Variants in SNTB2 observed in about 807,000 individuals in gnomAD.
SNTB2 encodes the protein beta-2-syntrophin.
In SNTB2, 34 loss-of-function variants were observed where a neutral mutation model predicts 46.2. That is an observed-to-expected ratio of 0.74 (90% CI 0.56 to 0.98). The LOEUF (loss-of-function observed/expected upper bound fraction) is 0.98. SNTB2 is among the 50% of genes least tolerant of loss of function. The probability of loss-of-function intolerance (pLI) is 0.00; values close to 1 mark genes in which losing one functional copy is unlikely to be tolerated. For missense variants in SNTB2, 603 were observed against 731.4 expected, an observed-to-expected ratio of 0.82 and a Z score of 2.02; for synonymous variants, 290 against 312.6, an observed-to-expected ratio of 0.93 and a Z score of 0.76.
intron 1 of SNTB2, among the ~76,000 whole-genome samples, chr16:69,204,567 T>C (rs1163202890): frequency 6.6e-6 from 1 of 152,234 alleles, no homozygotes; most frequent in African/African-American, 2.4e-5. Context: ...AGATGATTCA[T>C]TAATTTTGCT....
intron 1 of SNTB2, among the ~76,000 whole-genome samples, chr16:69,236,791 G>A (rs1263610916): frequency 6.6e-6 from 1 of 152,116 alleles, no homozygotes; most frequent in African/African-American, 2.4e-5. Context: ...AATTTCAGAT[G>A]TGATTTGGCA....
chr16:69,297,804 C>T (rs533065201), intron 5 of SNTB2, among the ~76,000 whole-genome samples: 1 of 152,058 alleles, frequency 6.6e-6, no homozygotes, highest in Non-Finnish European at 1.5e-5. Context: ...ATCCCAGCTA[C>T]TCAGCAGGCT....
intron 1 of SNTB2, among the ~76,000 whole-genome samples, chr16:69,230,152 TCCAAA>T (rs1964493926): frequency 6.6e-6 from 1 of 152,082 alleles, no homozygotes; most frequent in African/African-American, 2.4e-5. Context: ...TTATAGAAAG[TCCAAA>T]CATTATAGAA....
intron 1 of SNTB2, among the ~76,000 whole-genome samples, chr16:69,207,154 C>CTT (rs1555497921): frequency 4.7e-5 from 6 of 126,460 alleles, no homozygotes; most frequent in Admixed American, 8.3e-5. Flanking sequence ...TTCTTTCTTT[C>CTT]TTTTTTTTTT....
intron 1 of SNTB2, among the ~76,000 whole-genome samples, chr16:69,217,881 AT>A (rs1440212069): frequency 2.0e-5 from 3 of 152,016 alleles, no homozygotes; most frequent in Non-Finnish European, 4.4e-5. Context: ...CTGAAAAAAA[AT>A]TTTTTTTAGG....
chr16:69,266,404 G>A (rs1964885219), intron 3 of SNTB2, among the ~76,000 whole-genome samples: 1 of 151,954 alleles, frequency 6.6e-6, no homozygotes, highest in African/African-American at 2.4e-5. Context: ...AAAAGTTAAG[G>A]CAAATAGGCA....
At chr16:69,249,023 CTTTTTTT>C (rs34530998) in intron 2 of SNTB2, among the ~76,000 whole-genome samples, 1 of 125,836 alleles carries the variant, frequency 7.9e-6, no homozygotes. Flanking sequence ...TCATTTCTTT[CTTTTTTT>C]TTTTTTTTTT....
intron 4 of SNTB2, among the ~76,000 whole-genome samples, chr16:69,281,485 G>GTTTTTTTT (rs575825315): frequency 7.4e-6 from 1 of 135,814 alleles, no homozygotes; most frequent in Non-Finnish European, 1.6e-5. Flanking sequence ...GTAAGGTCTG[G>GTTTTTTTT]TTTTTTTTTT....
At chr16:69,257,451 T>A (rs1281461147) in intron 2 of SNTB2, among the ~76,000 whole-genome samples, 1 of 151,014 alleles carries the variant, frequency 6.6e-6, no homozygotes, top group Non-Finnish European at 1.5e-5. Context: ...ATTTATTTAT[T>A]TATTTATTTT....
intron 3 of SNTB2, among the ~76,000 whole-genome samples, chr16:69,269,630 ACT>A (rs1964919907): frequency 6.6e-6 from 1 of 152,148 alleles, no homozygotes; most frequent in African/African-American, 2.4e-5. Context: ...TGCAATGTAA[ACT>A]CTATTATTGT....
intron 1 of SNTB2, among the ~76,000 whole-genome samples, chr16:69,244,939 T>C (rs1015792299): frequency 2.6e-5 from 4 of 152,094 alleles, no homozygotes; most frequent in Non-Finnish European, 5.9e-5. Context: ...TTGAGTTGAA[T>C]GGAAATAGAA....
chr16:69,208,108 C>CAAA (rs887460974), intron 1 of SNTB2, among the ~76,000 whole-genome samples: 2 of 64,434 alleles, frequency 3.1e-5, no homozygotes, highest in Non-Finnish European at 6.5e-5. Context: ...GACTTCATCT[C>CAAA]AAAAAAAAAA....
chr16:69,235,637 C>A, intron 1 of SNTB2: 1 of 1,182,012 alleles, frequency 8.5e-7, no homozygotes, highest in Non-Finnish European at 1.1e-6. Flanking sequence ...AAGTGGGGAG[C>A]AGAAAGAAAG....
intron 2 of SNTB2, among the ~76,000 whole-genome samples, chr16:69,253,580 C>T (rs142559743): frequency 1.1e-3 from 163 of 152,120 alleles, no homozygotes; most frequent in East Asian, 9.9e-3. Flanking sequence ...ACCCAGGAGG[C>T]GGAGCTTGCA....
At chr16:69,287,902 A>G (rs1965120821) in intron 5 of SNTB2, among the ~76,000 whole-genome samples, 1 of 151,750 alleles carries the variant, frequency 6.6e-6, no homozygotes, top group Non-Finnish European at 1.5e-5. Flanking sequence ...TGGGCCAAGC[A>G]CGGTAGTTCA....
intron 4 of SNTB2, among the ~76,000 whole-genome samples, chr16:69,279,752 T>C (rs1262228653): frequency 6.6e-6 from 1 of 151,554 alleles, no homozygotes; most frequent in Non-Finnish European, 1.5e-5. Context: ...ATGGTCTCGA[T>C]CTCCTGACCT....
intron 1 of SNTB2, among the ~76,000 whole-genome samples, chr16:69,214,276 G>C (rs1157988486): frequency 6.6e-6 from 1 of 150,984 alleles, no homozygotes; most frequent in East Asian, 2.0e-4. Context: ...GATCACAAGT[G>C]TGCACCACCA....
intron 5 of SNTB2, among the ~76,000 whole-genome samples, chr16:69,286,936 C>T (rs944889580): frequency 6.6e-6 from 1 of 152,074 alleles, no homozygotes; most frequent in African/African-American, 2.4e-5. Flanking sequence ...TACATGGACT[C>T]TCCAGTTAAG....
At chr16:69,252,779 T>A (rs2143065220) in intron 2 of SNTB2, among the ~76,000 whole-genome samples, 1 of 152,326 alleles carries the variant, frequency 6.6e-6, no homozygotes, top group African/African-American at 2.4e-5. Flanking sequence ...CTGTCTCCTC[T>A]TCTCCCTTGT....
Sources: gnomAD v4.1 joint callset for allele counts (sites outside exome capture counted in the v4.1 genomes callset) on GRCh38, gnomAD v4.1.1 for gene constraint, MANE v1.5 for transcripts, NCBI Gene and HGNC (gene_info 2026-07-23, HGNC 2026-07-21) for gene names.